CNTNAP2: variants seen among roughly 807,000 people sequenced by gnomAD.
CNTNAP2 encodes the protein contactin-associated protein-like 2.
A neutral mutation model predicts 155.2 loss-of-function variants in CNTNAP2; 98 were observed. The observed-to-expected ratio is 0.63, with a 90% confidence interval of 0.54 to 0.75. The LOEUF (loss-of-function observed/expected upper bound fraction) is 0.75, where lower values mean the gene tolerates loss of function less well. Among genes scored for constraint, CNTNAP2 ranks in the 30% least tolerant of loss-of-function variants. CNTNAP2 has a pLI of 0.00. For missense variants in CNTNAP2, 1,727 were observed against 1,688.1 expected (o/e 1.02, Z -0.40); for synonymous variants, 651 against 631.2 (o/e 1.03, Z -0.47).
chr7:146,445,017 A>G (rs530541680), intron 1 of CNTNAP2, among the ~76,000 whole-genome samples: 1 of 152,060 alleles, frequency 6.6e-6, no homozygotes. Context: ...GTTCCACACC[A>G]GGGACATTCT....
At chr7:147,795,548 C>T (rs910043148) in intron 13 of CNTNAP2, among the ~76,000 whole-genome samples, 3 of 152,092 alleles carry the variant, frequency 2.0e-5, no homozygotes, top group Non-Finnish European at 4.4e-5. Context: ...GAAGACATTG[C>T]TCTTCCATTT....
intron 18 of CNTNAP2, among the ~76,000 whole-genome samples, chr7:148,209,362 G>A (rs1334730893): frequency 6.7e-6 from 1 of 149,978 alleles, no homozygotes; most frequent in Non-Finnish European, 1.5e-5. Context: ...TTAAACTCCA[G>A]GGCTCAAGCG....
intron 1 of CNTNAP2, among the ~76,000 whole-genome samples, chr7:146,422,103 T>C (rs1447432341): frequency 1.3e-5 from 2 of 151,490 alleles, no homozygotes; most frequent in African/African-American, 4.8e-5. Flanking sequence ...AATTAATTCT[T>C]ATCTCAATAG....
chr7:147,281,033 A>AT (rs1274714544), intron 8 of CNTNAP2, among the ~76,000 whole-genome samples: 2 of 151,872 alleles, frequency 1.3e-5, no homozygotes, highest in African/African-American at 4.8e-5. Context: ...AGTCTCTTAA[A>AT]TTTTTTGAAT....
rs917241371 is a variant in CNTNAP2, at chr7:147,524,164, C to T, written c.1778-37974C>T. Among the ~76,000 whole-genome samples, 3 of 152,180 alleles carry T rather than the reference C, an allele frequency of 2.0e-5. 1 individual carries two copies. The highest frequency in any genetic ancestry group is 2.0e-4 in the Admixed American group (3 of 15,276). On this transcript the variant is annotated intron_variant, in intron 11 of 23. Coordinates refer to ENST00000361727, the MANE Select transcript of CNTNAP2 (RefSeq NM_014141.6). ...ACAGCCTAGATGTTTGCAAATAGTG[C>T]TTTGGTTTTTCTTTAAAATATCCTT...
At chr7:147,168,881 A>G (rs1030953814) in intron 8 of CNTNAP2, among the ~76,000 whole-genome samples, 3 of 152,212 alleles carry the variant, frequency 2.0e-5, no homozygotes, top group Non-Finnish European at 4.4e-5. Context: ...AAGCAAAAGT[A>G]TAGTCAGCAT....
intron 1 of CNTNAP2, among the ~76,000 whole-genome samples, chr7:146,339,849 C>T (rs1584877339): frequency 1.3e-5 from 2 of 152,038 alleles, no homozygotes; most frequent in Non-Finnish European, 2.9e-5. Flanking sequence ...ACACCCTCCT[C>T]GGAGTAATAT....
chr7:147,198,595 A>G (rs1449300496), intron 8 of CNTNAP2, among the ~76,000 whole-genome samples: 2 of 152,170 alleles, frequency 1.3e-5, no homozygotes, highest in Non-Finnish European at 2.9e-5. Flanking sequence ...ACAAATTGCA[A>G]TTTGCGGATT....
intron 1 of CNTNAP2, among the ~76,000 whole-genome samples, chr7:146,449,863 C>A (rs544474074): frequency 6.6e-6 from 1 of 152,222 alleles, no homozygotes; most frequent in East Asian, 1.9e-4. Context: ...ATCCTGTCAG[C>A]ACAGAACCAT....
chr7:146,680,241 T>G (rs780420471), intron 1 of CNTNAP2, among the ~76,000 whole-genome samples: 2 of 152,178 alleles, frequency 1.3e-5, no homozygotes, highest in Non-Finnish European at 2.9e-5. Flanking sequence ...AAACCTAGAC[T>G]TTTGGATTAT....
chr7:146,190,594 C>G (rs1459096533), intron 1 of CNTNAP2, among the ~76,000 whole-genome samples: 4 of 152,078 alleles, frequency 2.6e-5, no homozygotes, highest in African/African-American at 9.7e-5. Context: ...TCCACCTTCG[C>G]CTTACAATCA....
At chr7:147,664,589 C>T (rs1051176521) in intron 13 of CNTNAP2, among the ~76,000 whole-genome samples, 3 of 152,124 alleles carry the variant, frequency 2.0e-5, no homozygotes, top group East Asian at 1.9e-4. Flanking sequence ...ACGAAGCATT[C>T]GGAGATGTTA....
intron 9 of CNTNAP2, among the ~76,000 whole-genome samples, chr7:147,335,585 G>A (rs1291234182): frequency 1.3e-5 from 2 of 152,096 alleles, no homozygotes; most frequent in African/African-American, 4.8e-5. Flanking sequence ...ATAGCAATGG[G>A]AGGCTTTAAT....
intron 13 of CNTNAP2, among the ~76,000 whole-genome samples, chr7:147,703,118 G>A (rs1203652516): frequency 3.9e-5 from 6 of 151,988 alleles, no homozygotes; most frequent in Non-Finnish European, 8.8e-5. Flanking sequence ...TCTAACCACT[G>A]CGCCTGTTTC....
intron 13 of CNTNAP2, among the ~76,000 whole-genome samples, chr7:147,739,391 C>T (rs899949132): frequency 2.0e-5 from 3 of 152,050 alleles, no homozygotes; most frequent in Admixed American, 6.6e-5. Flanking sequence ...TATCAGTTTT[C>T]TAATACCTTC....
chr7:147,467,058 G>A (rs1798132942), intron 10 of CNTNAP2, among the ~76,000 whole-genome samples: 1 of 152,176 alleles, frequency 6.6e-6, no homozygotes, highest in Admixed American at 6.5e-5. Context: ...ATTGCAGCAT[G>A]TTTGATACTT....
intron 10 of CNTNAP2, among the ~76,000 whole-genome samples, chr7:147,409,404 G>A (rs377708618): frequency 3.9e-5 from 6 of 152,196 alleles, no homozygotes; most frequent in African/African-American, 1.4e-4. Context: ...ATTAACTCAA[G>A]ATAGATTAAA....
chr7:146,896,580 A>G (rs1795882275), intron 3 of CNTNAP2, among the ~76,000 whole-genome samples: 1 of 152,136 alleles, frequency 6.6e-6, no homozygotes, highest in Middle Eastern at 3.2e-3. Flanking sequence ...TGGCTGATCA[A>G]CAAACCAGGC....
intron 9 of CNTNAP2, among the ~76,000 whole-genome samples, chr7:147,301,957 T>TTAAA (rs1258676790): frequency 6.6e-6 from 1 of 152,144 alleles, no homozygotes; most frequent in Non-Finnish European, 1.5e-5. Context: ...ACAAAAATCA[T>TTAAA]GAACTAGGGC....
Sources: gnomAD v4.1 joint callset for allele counts (sites outside exome capture counted in the v4.1 genomes callset) on GRCh38, gnomAD v4.1.1 for gene constraint, MANE v1.5 for transcripts, NCBI Gene and HGNC (gene_info 2026-07-23, HGNC 2026-07-21) for gene names.